The following JAM3 variants were observed in gnomAD, a reference collection of about 807,000 sequenced individuals.
JAM3 encodes junctional adhesion molecule 3.
In JAM3, 31 loss-of-function variants were observed where a neutral mutation model predicts 39.4. The ratio of observed to expected loss-of-function variants is 0.79; its 90% CI spans 0.59 to 1.06. The LOEUF (loss-of-function observed/expected upper bound fraction) is 1.06. Ranked by LOEUF, JAM3 falls within the 50% of genes least tolerant of loss-of-function variation. JAM3 has a pLI of 0.00. For synonymous variants in JAM3, 182 were observed against 148.7 expected (o/e 1.22, Z -1.63); for missense variants, 455 against 391.4 (o/e 1.16, Z -1.37).
chr11:134,102,053 G>A (rs559659419), intron 1 of JAM3, among the ~76,000 whole-genome samples: 2 of 152,260 alleles, frequency 1.3e-5, no homozygotes, highest in South Asian at 2.1e-4. Flanking sequence ...GACCCTGTCT[G>A]TAAAAATTAT....
At chr11:134,097,246 A>C (rs147416813) in intron 1 of JAM3, among the ~76,000 whole-genome samples, 6 of 152,302 alleles carry the variant, frequency 3.9e-5, no homozygotes, top group African/African-American at 1.4e-4. Context: ...TTCCTTAGAA[A>C]CAATTTCTAA....
At chr11:134,120,833 G>C (rs1942517382) in intron 1 of JAM3, among the ~76,000 whole-genome samples, 1 of 152,228 alleles carries the variant, frequency 6.6e-6, no homozygotes, top group African/African-American at 2.4e-5. Flanking sequence ...TGTGGGCTGA[G>C]ACTAACATTA....
chr11:134,121,737 CCTT>C (rs1303859312), intron 1 of JAM3, among the ~76,000 whole-genome samples: 1 of 152,012 alleles, frequency 6.6e-6, no homozygotes, highest in African/African-American at 2.4e-5. Flanking sequence ...CTTTATACAT[CCTT>C]CTCCTCAATA....
Position 134,098,341 on chromosome 11 carries a change from G to A in JAM3, c.76+29182G>A, listed in dbSNP as rs183876868. Among the ~76,000 whole-genome samples, 159 of 152,192 alleles carry A rather than the reference G, an allele frequency of 1.0e-3. No individual in the cohort carries two copies. The Middle Eastern group carries it at 0.014, about 13-fold the overall frequency. ...ACTGAAATCTTCTGTTTTGAAAGAGGTCTTTTAATTTAAAAAAAGCTAGTT... is the reference window on the plus strand; with the variant it reads ...ACTGAAATCTTCTGTTTTGAAAGAGATCTTTTAATTTAAAAAAAGCTAGTT... On this transcript the variant is annotated intron_variant, in intron 1 of 8. Transcript: ENST00000299106.
chr11:134,133,267 A>T (rs1942801393), intron 1 of JAM3, among the ~76,000 whole-genome samples: 1 of 152,148 alleles, frequency 6.6e-6, no homozygotes, highest in South Asian at 2.1e-4. Context: ...TTCCTTTCCA[A>T]CTTCGATTCC....
intron 1 of JAM3, among the ~76,000 whole-genome samples, chr11:134,119,808 C>T (rs966800157): frequency 7.9e-5 from 12 of 152,162 alleles, no homozygotes; most frequent in Admixed American, 3.3e-4. Flanking sequence ...TTAACCCTCA[C>T]AGCTAGGTTT....
chr11:134,140,805 T>G (rs768030704), intron 3 of JAM3, 35 bp downstream of exon 3: 5 of 1,589,168 alleles, frequency 3.1e-6, no homozygotes, highest in East Asian at 4.6e-5. Flanking sequence ...TGCTGACCTT[T>G]CCTCTGTCCA....
At chr11:134,119,165 A>G (rs1482573353) in intron 1 of JAM3, among the ~76,000 whole-genome samples, 1 of 151,920 alleles carries the variant, frequency 6.6e-6, no homozygotes. Context: ...ATCTCAAGTG[A>G]TCTGCCCTCC....
chr11:134,143,585 C>G (rs1355900591), intron 3 of JAM3, among the ~76,000 whole-genome samples: 1 of 152,134 alleles, frequency 6.6e-6, no homozygotes, highest in African/African-American at 2.4e-5. Context: ...AGTGTGAATT[C>G]TTTATTCTGG....
chr11:134,107,419 C>T (rs1225146668), intron 1 of JAM3, among the ~76,000 whole-genome samples: 6 of 151,982 alleles, frequency 3.9e-5, no homozygotes, highest in African/African-American at 1.5e-4. Flanking sequence ...CAACATGGCA[C>T]ATGTATACAT....
chr11:134,120,930 A>G (rs1415105359), intron 1 of JAM3, among the ~76,000 whole-genome samples: 1 of 152,238 alleles, frequency 6.6e-6, no homozygotes, highest in African/African-American at 2.4e-5. Context: ...AGCATTTTAT[A>G]GCCAGTAACT....
chr11:134,138,387 G>A (rs1942910849), intron 1 of JAM3, among the ~76,000 whole-genome samples: 1 of 114,256 alleles, frequency 8.8e-6, no homozygotes, highest in Non-Finnish European at 1.8e-5. Flanking sequence ...AGAGCCAGTG[G>A]TGGTGTCTCG....
intron 1 of JAM3, among the ~76,000 whole-genome samples, chr11:134,095,023 A>G (rs1307430929): frequency 2.0e-5 from 3 of 152,250 alleles, no homozygotes; most frequent in Non-Finnish European, 2.9e-5. Context: ...AGTCTAATGT[A>G]GTGAATGAAA....
At position 134,149,430 on chromosome 11, in the gene JAM3, G is replaced by T. The variant is rs1053044038; in HGVS notation, c.*249G>T. Reference sequence around the variant, plus strand: ...GAAACTGGGTGCGTTCACTGAGTTGGGTTCCTAATCTGTTTCTGGCCTGAT... The same window carrying T: ...GAAACTGGGTGCGTTCACTGAGTTGTGTTCCTAATCTGTTTCTGGCCTGAT... On this transcript the variant is annotated 3_prime_UTR_variant, in exon 9 of 9. Transcript: ENST00000299106. 2 of 603,998 alleles carry T rather than the reference G, an allele frequency of 3.3e-6. No homozygotes were observed. The highest frequency in any genetic ancestry group is 5.9e-6 in the Non-Finnish European group (2 of 337,006). The allele number at this position is 603,998 out of a possible 1,614,324, so 37.4% of individuals were successfully genotyped here.
Position 134,144,280 on chromosome 11 carries a change from C to T in JAM3, c.296C>T (p.Ser99Phe), listed in dbSNP as rs1372234772. The T allele has an allele frequency of 6.2e-7, 1 of 1,613,976 alleles. No individual in the cohort carries two copies. Among genetic ancestry groups the T allele is most frequent in the African/African-American group, 1.3e-5 (1 of 74,910 alleles). Residue 99 changes from serine to phenylalanine, a missense_variant, in exon 4 of 9, where the codon TCC (serine) becomes TTC (phenylalanine). By Grantham distance (155) the Ser-to-Phe change is radical. Coordinates refer to ENST00000299106, the MANE Select transcript of JAM3 (RefSeq NM_032801.5). ...AGRAEILGKTSLKIWNVTRRD... is the reference protein window; with the variant it reads ...AGRAEILGKTFLKIWNVTRRD... ...CGTGCAGAAATACTGGGGAAGACAT[C>T]CCTGAAGATCTGGAATGTGACACGG...
intron 1 of JAM3, among the ~76,000 whole-genome samples, chr11:134,102,939 C>A (rs1216890589): frequency 6.6e-6 from 1 of 152,178 alleles, no homozygotes; most frequent in South Asian, 2.1e-4. Flanking sequence ...AAACACTCTG[C>A]AGGATATTAT....
At chr11:134,137,734 C>T (rs112436504) in intron 1 of JAM3, among the ~76,000 whole-genome samples, 653 of 92,412 alleles carry the variant, frequency 7.1e-3, no homozygotes, top group African/African-American at 0.026. Flanking sequence ...CCAGTGGTGG[C>T]GTCTCGTCAA....
intron 1 of JAM3, among the ~76,000 whole-genome samples, chr11:134,103,822 T>C (rs1942126795): frequency 6.6e-6 from 1 of 152,194 alleles, no homozygotes; most frequent in Non-Finnish European, 1.5e-5. Flanking sequence ...ATCCTAAATA[T>C]ATATGCACTC....
intron 1 of JAM3, among the ~76,000 whole-genome samples, chr11:134,129,951 G>T (rs945645767): frequency 2.0e-5 from 3 of 152,038 alleles, no homozygotes; most frequent in East Asian, 1.9e-4. Flanking sequence ...GCAGTGAGCC[G>T]AGATCGCGCC....
Sources: allele counts gnomAD v4.1 joint callset (sites outside exome capture counted in the v4.1 genomes callset), GRCh38; gene constraint gnomAD v4.1.1; transcripts MANE v1.5; gene names NCBI Gene and HGNC (gene_info 2026-07-23, HGNC 2026-07-21).